The following FAT3 variants were observed in gnomAD, a reference collection of about 807,000 sequenced individuals.
FAT3 encodes the protein FAT atypical cadherin 3, also known as protocadherin Fat 3.
Under a neutral mutation model 310.2 loss-of-function variants are expected in FAT3, and 95 were observed. The ratio of observed to expected loss-of-function variants is 0.31; its 90% CI spans 0.26 to 0.36. The LOEUF is 0.36. Among genes scored for constraint, FAT3 ranks in the 10% least tolerant of loss-of-function variants. The probability of loss-of-function intolerance (pLI) is 1.00; values close to 1 mark genes in which losing one functional copy is unlikely to be tolerated. For missense variants in FAT3, 5,408 were observed against 5,715.6 expected (o/e 0.95, Z 1.74); for synonymous variants, 2,314 against 2,192.9 (o/e 1.06, Z -1.54).
intron 2 of FAT3, among the ~76,000 whole-genome samples, chr11:92,500,201 T>C (rs1287928007): frequency 1.3e-5 from 2 of 152,030 alleles, no homozygotes; most frequent in Non-Finnish European, 2.9e-5. Context: ...ACATATCATA[T>C]ATTTATTTTT....
intron 22 of FAT3, 98 bp from the exon 23 acceptor site, chr11:92,880,633 C>T (rs145852870): frequency 9.5e-6 from 13 of 1,369,206 alleles, no homozygotes; most frequent in African/African-American, 7.4e-5. Flanking sequence ...TCCTATTATA[C>T]GGTTCAACAA....
At chr11:92,358,416 T>A (rs1448508640) in intron 2 of FAT3, among the ~76,000 whole-genome samples, 3 of 152,166 alleles carry the variant, frequency 2.0e-5, no homozygotes, top group Non-Finnish European at 4.4e-5. Context: ...AATTCTTTCA[T>A]GTTTCTGATG....
chr11:92,402,772 A>G (rs1250992175), intron 2 of FAT3, among the ~76,000 whole-genome samples: 2 of 151,502 alleles, frequency 1.3e-5, no homozygotes, highest in Non-Finnish European at 2.9e-5. Context: ...GAACTTTCCA[A>G]CATTAATAAT....
At chr11:92,450,382 T>TC (rs1265304630) in intron 2 of FAT3, among the ~76,000 whole-genome samples, 1 of 152,170 alleles carries the variant, frequency 6.6e-6, no homozygotes, top group African/African-American at 2.4e-5. Flanking sequence ...GTGTCTGCTT[T>TC]CCTGTGGCTG....
chr11:92,792,838 T>A lies in FAT3; in HGVS notation c.4683T>A (p.Asp1561Glu). Residue 1561 changes from aspartate (D) to glutamate (E), a missense_variant, in exon 9 of 28, where the codon GAT (aspartate) becomes GAA (glutamate). By Grantham distance (45) the Asp-to-Glu change is conservative. Around this residue, in one of 5 missense-constraint regions of FAT3, gnomAD observed 4,588 missense variants for 4,809.8 expected, o/e 0.95. Coordinates refer to ENST00000525166, the MANE Select transcript of FAT3 (RefSeq NM_001367949.2). Reference sequence around the variant, plus strand: ...TTGTGAATGTGGAGGATGCTAATGATCACAGTCCTTATTTTACCAACCCAC... The same window carrying A: ...TTGTGAATGTGGAGGATGCTAATGAACACAGTCCTTATTTTACCAACCCAC... ...RVIVNVEDAN[D>E]HSPYFTNPLY... 6.2e-7 allele frequency: 1 copy of A among 1,613,870 alleles called. No homozygotes were observed. Among genetic ancestry groups the A allele is most frequent in the South Asian group, 1.1e-5 (1 of 91,084 alleles).
intron 2 of FAT3, among the ~76,000 whole-genome samples, chr11:92,427,205 T>C (rs1258735889): frequency 2.0e-5 from 3 of 152,180 alleles, no homozygotes. Context: ...ATGCTTGTGA[T>C]TTTTACACAT....
At chr11:92,706,915 A>G (rs1184179064) in intron 4 of FAT3, among the ~76,000 whole-genome samples, 1 of 152,246 alleles carries the variant, frequency 6.6e-6, no homozygotes, top group Non-Finnish European at 1.5e-5. Flanking sequence ...AGGCATTTCT[A>G]TCTGAGCCAA....
intron 4 of FAT3, among the ~76,000 whole-genome samples, chr11:92,702,988 G>A (rs1235032279): frequency 6.6e-6 from 1 of 152,190 alleles, no homozygotes; most frequent in African/African-American, 2.4e-5. Context: ...ATGTAATAGT[G>A]AAGTCAGTAT....
intron 23 of FAT3, among the ~76,000 whole-genome samples, chr11:92,881,307 C>T (rs562832714): frequency 6.6e-6 from 1 of 152,228 alleles, no homozygotes; most frequent in South Asian, 2.1e-4. Context: ...CCTTTGCAAA[C>T]CTTTCTTTCA....
intron 3 of FAT3, among the ~76,000 whole-genome samples, chr11:92,647,075 T>A (rs960325527): frequency 6.6e-6 from 1 of 152,094 alleles, no homozygotes; most frequent in Non-Finnish European, 1.5e-5. Context: ...AGACCCAAGA[T>A]TGAAACTGAA....
intron 1 of FAT3, among the ~76,000 whole-genome samples, chr11:92,302,310 C>CT (rs75687669): frequency 0.12 from 18,820 of 150,936 alleles, 1,274 homozygotes; most frequent in East Asian, 0.3. Flanking sequence ...AAAAAATAGG[C>CT]TTTTTTTTTC....
chr11:92,651,324 A>T (rs1202225918), intron 3 of FAT3, among the ~76,000 whole-genome samples: 2 of 152,216 alleles, frequency 1.3e-5, no homozygotes, highest in Non-Finnish European at 2.9e-5. Context: ...GAAGGGAGTC[A>T]GGGAAACAAG....
intron 3 of FAT3, among the ~76,000 whole-genome samples, chr11:92,662,372 C>G (rs958120556): frequency 6.6e-6 from 1 of 152,090 alleles, no homozygotes; most frequent in Admixed American, 6.6e-5. Flanking sequence ...AAGAGGATGC[C>G]TCTTCTTTGA....
intron 2 of FAT3, among the ~76,000 whole-genome samples, chr11:92,476,082 CGTGT>C (rs369178854): frequency 4.0e-5 from 6 of 150,382 alleles, no homozygotes; most frequent in African/African-American, 1.5e-4. Context: ...TGTGTGTGTG[CGTGT>C]GTGTGTGTAT....
intron 4 of FAT3, among the ~76,000 whole-genome samples, chr11:92,713,734 C>T (rs1944594653): frequency 6.6e-6 from 1 of 152,104 alleles, no homozygotes; most frequent in South Asian, 2.1e-4. Context: ...GTTAAAAAGA[C>T]CAATATTATT....
chr11:92,258,396 G>A (rs776643613), intron 1 of FAT3, among the ~76,000 whole-genome samples: 8 of 152,132 alleles, frequency 5.3e-5, no homozygotes, highest in Non-Finnish European at 1.0e-4. Flanking sequence ...ATTCAAACAA[G>A]GGGTCTGCCT....
At chr11:92,663,394 T>C (rs1185775051) in intron 3 of FAT3, among the ~76,000 whole-genome samples, 2 of 152,072 alleles carry the variant, frequency 1.3e-5, no homozygotes, top group Admixed American at 1.3e-4. Context: ...CTAACGGAGA[T>C]TACTAAGCAG....
chr11:92,279,487 TAACTC>T (rs1164959495), intron 1 of FAT3, among the ~76,000 whole-genome samples: 6 of 152,190 alleles, frequency 3.9e-5, no homozygotes, highest in African/African-American at 1.4e-4. Flanking sequence ...TCACATGTAT[TAACTC>T]AATTATCTTC....
At chr11:92,612,015 G>A (rs1041703738) in intron 3 of FAT3, among the ~76,000 whole-genome samples, 12 of 152,186 alleles carry the variant, frequency 7.9e-5, no homozygotes, top group African/African-American at 2.9e-4. Context: ...GATTAAAGGA[G>A]ACAATAAGAT....
Sources: allele counts gnomAD v4.1 joint callset (sites outside exome capture counted in the v4.1 genomes callset), GRCh38; gene constraint gnomAD v4.1.1; regional missense constraint gnomAD v4.1.1; transcripts MANE v1.5; gene names NCBI Gene and HGNC (gene_info 2026-07-23, HGNC 2026-07-21).